OR1J2: variants seen among roughly 807,000 people sequenced by gnomAD.
OR1J2 encodes the protein olfactory receptor 1J2.
For missense variants in OR1J2, 304 were observed against 246.1 expected (o/e 1.24, Z -1.57); for synonymous variants, 142 against 99.7 (o/e 1.42, Z -2.52).
At chr9:122,481,523 T>C in the OR1J2 span, among the ~76,000 whole-genome samples, 1 of 151,948 alleles carries the variant, frequency 6.6e-6, no homozygotes. Flanking sequence ...AAAGACAAGC[T>C]CAATTAAAAT....
At chr9:122,519,428 G>A in the OR1J2 span, 2 of 1,614,020 alleles carry the variant, frequency 1.2e-6, no homozygotes, top group Non-Finnish European at 1.7e-6. Flanking sequence ...TTTATGCAGG[G>A]TGTGTAACTC....
chr9:122,491,224 TA>T, the OR1J2 span, among the ~76,000 whole-genome samples: 1 of 152,096 alleles, frequency 6.6e-6, no homozygotes, highest in South Asian at 2.1e-4. Flanking sequence ...CTGAAGGCAA[TA>T]TAGAAGAAAA....
At chr9:122,547,124 AAAT>A in the OR1J2 span, among the ~76,000 whole-genome samples, 1 of 151,476 alleles carries the variant, frequency 6.6e-6, no homozygotes, top group South Asian at 2.1e-4. Context: ...CCACATAAAA[AAAT>A]AATAATTTAA....
the OR1J2 span, chr9:122,476,904 C>T: frequency 1.0e-4 from 76 of 759,158 alleles, no homozygotes; most frequent in African/African-American, 1.0e-3. Flanking sequence ...GACTGGGTTT[C>T]GCCATGTTGG....
chr9:122,539,647 G>A, the OR1J2 span, among the ~76,000 whole-genome samples: 3 of 152,074 alleles, frequency 2.0e-5, no homozygotes, highest in Admixed American at 1.3e-4. Context: ...GGATGGCTGG[G>A]TCAAATGGTA....
At chr9:122,553,835 G>A in the OR1J2 span, 10 of 1,614,026 alleles carry the variant, frequency 6.2e-6, no homozygotes, top group South Asian at 1.1e-5. Context: ...TGGGCTTGCT[G>A]TTCCTCACTG....
At chr9:122,486,561 T>C in the OR1J2 span, among the ~76,000 whole-genome samples, 13 of 152,344 alleles carry the variant, frequency 8.5e-5, no homozygotes, top group South Asian at 2.5e-3. Flanking sequence ...GTAATACTGA[T>C]AATAAAAATT....
the OR1J2 span, among the ~76,000 whole-genome samples, chr9:122,547,699 G>A: frequency 6.6e-6 from 1 of 151,070 alleles, no homozygotes; most frequent in South Asian, 2.1e-4. Flanking sequence ...ATTCGTTGAT[G>A]AACACTTAGT....
the OR1J2 span, among the ~76,000 whole-genome samples, chr9:122,492,436 C>T: frequency 2.0e-5 from 3 of 151,972 alleles, no homozygotes; most frequent in South Asian, 2.1e-4. Flanking sequence ...TCTTTGCTAT[C>T]GTGAATAGTA....
chr9:122,543,915 T>C, the OR1J2 span, among the ~76,000 whole-genome samples: 4 of 152,186 alleles, frequency 2.6e-5, no homozygotes, highest in African/African-American at 9.6e-5. Flanking sequence ...AGCCATTAAG[T>C]TTTGGAGTGG....
chr9:122,491,257 A>G, the OR1J2 span, among the ~76,000 whole-genome samples: 5 of 152,188 alleles, frequency 3.3e-5, no homozygotes, highest in African/African-American at 9.7e-5. Context: ...GTTGTATTGC[A>G]TAGAGTATGA....
the OR1J2 span, among the ~76,000 whole-genome samples, chr9:122,539,029 A>C: frequency 1.3e-5 from 2 of 152,144 alleles, no homozygotes; most frequent in South Asian, 4.1e-4. Flanking sequence ...AAAGTTAAAA[A>C]AAATACAAAG....
the OR1J2 span, among the ~76,000 whole-genome samples, chr9:122,533,906 A>G: frequency 2.4e-4 from 36 of 152,300 alleles, no homozygotes; most frequent in South Asian, 6.8e-3. Flanking sequence ...TTCAGCCGCT[A>G]AGCCGAGAAG....
At chr9:122,576,895 G>A in the OR1J2 span, 1 of 152,144 alleles carries the variant, frequency 6.6e-6, no homozygotes, top group Admixed American at 6.5e-5. Context: ...TCACTTCTCT[G>A]ATGGATCTAA....
downstream of OR1J2, among the ~76,000 whole-genome samples, chr9:122,515,965 A>G (rs1828695605): frequency 6.6e-6 from 1 of 152,112 alleles, no homozygotes; most frequent in South Asian, 2.1e-4. Context: ...AGGTCTTTGC[A>G]CTTTATTTTA....
the OR1J2 span, among the ~76,000 whole-genome samples, chr9:122,491,225 A>G: frequency 6.6e-6 from 1 of 152,200 alleles, no homozygotes; most frequent in African/African-American, 2.4e-5. Context: ...TGAAGGCAAT[A>G]TAGAAGAAAA....
At chr9:122,553,115 T>G in the OR1J2 span, 1 of 1,293,966 alleles carries the variant, frequency 7.7e-7, no homozygotes, top group Non-Finnish European at 1.1e-6. Flanking sequence ...CCCAGCACAG[T>G]TCTGGCCACA....
At chr9:122,553,225 G>T in the OR1J2 span, 1 of 1,613,714 alleles carries the variant, frequency 6.2e-7, no homozygotes, top group Non-Finnish European at 8.5e-7. Context: ...GGAAAACCAG[G>T]CAGAGTGAAC....
the OR1J2 span, chr9:122,477,431 G>A: frequency 6.2e-7 from 1 of 1,614,010 alleles, no homozygotes; most frequent in South Asian, 1.1e-5. Context: ...CAGAAGGAAA[G>A]CTGGGCCAGG....
Sources: allele counts gnomAD v4.1 joint callset (sites outside exome capture counted in the v4.1 genomes callset), GRCh38; gene constraint gnomAD v4.1.1; transcripts MANE v1.5; gene names NCBI Gene and HGNC (gene_info 2026-07-23, HGNC 2026-07-21).